CSMD1: variants seen among roughly 807,000 people sequenced by gnomAD.
The protein encoded by CSMD1 is CUB and Sushi multiple domains 1.
CSMD1 carries 213 observed loss-of-function variants against 417.5 expected under a neutral mutation model. The observed-to-expected ratio is 0.51, with a 90% CI of 0.46 to 0.57. The LOEUF (loss-of-function observed/expected upper bound fraction) is 0.57. Ranked by LOEUF, CSMD1 falls within the 20% of genes least tolerant of loss-of-function variation. The pLI is 0.00. For synonymous variants in CSMD1, 2,862 were observed against 1,736.8 expected, an observed-to-expected ratio of 1.65 and a Z score of -16.11; for missense variants, 6,923 against 4,529.7, an observed-to-expected ratio of 1.53 and a Z score of -15.17.
At chr8:3,539,777 A>AC (rs1554461163) in intron 10 of CSMD1, among the ~76,000 whole-genome samples, 44 of 151,248 alleles carry the variant, frequency 2.9e-4, no homozygotes, top group African/African-American at 9.3e-4. Context: ...AAAAAAAAAA[A>AC]ACACAAGAAA....
At chr8:4,126,822 G>T (rs187340157) in intron 3 of CSMD1, among the ~76,000 whole-genome samples, 1 of 152,144 alleles carries the variant, frequency 6.6e-6, no homozygotes, top group African/African-American at 2.4e-5. Context: ...TGGGGTAGGA[G>T]ATGTCCAGGA....
At chr8:4,393,068 G>A (rs1026374015) in intron 3 of CSMD1, among the ~76,000 whole-genome samples, 17 of 152,244 alleles carry the variant, frequency 1.1e-4, no homozygotes, top group African/African-American at 2.6e-4. Context: ...CTCCGCCTCC[G>A]GGGTTCAAGC....
chr8:3,951,391 G>A (rs1302426633), intron 5 of CSMD1, among the ~76,000 whole-genome samples: 2 of 152,190 alleles, frequency 1.3e-5, no homozygotes, highest in Non-Finnish European at 2.9e-5. Context: ...TTAAATGAAT[G>A]CAAAAGGCAT....
intron 3 of CSMD1, among the ~76,000 whole-genome samples, chr8:4,100,861 AAT>A (rs1801268345): frequency 6.6e-6 from 1 of 152,332 alleles, no homozygotes; most frequent in African/African-American, 2.4e-5. Flanking sequence ...GAGACTTAAA[AAT>A]ATATGTTAGA....
chr8:4,375,887 G>A (rs1443805332), intron 3 of CSMD1, among the ~76,000 whole-genome samples: 1 of 152,080 alleles, frequency 6.6e-6, no homozygotes, highest in Non-Finnish European at 1.5e-5. Flanking sequence ...ATCAAACACA[G>A]GCAAATGCCT....
chr8:4,913,620 T>G (rs1585316653), intron 1 of CSMD1, among the ~76,000 whole-genome samples: 1 of 152,174 alleles, frequency 6.6e-6, no homozygotes, highest in Non-Finnish European at 1.5e-5. Context: ...GCAGTAGGTG[T>G]TGCTGGACCA....
rs537545237 is a variant in CSMD1 at position 3,647,796 on chromosome 8, G to A, written c.1010-30999C>T. 4.6e-5 allele frequency among the ~76,000 whole-genome samples: 7 copies of A among 152,336 alleles called. No homozygotes were observed. The South Asian group carries it at 6.2e-4, about 14-fold the overall frequency. ...AGTGAGAGAAAGAGAGAGAGATATTGAAAAGTAAATATGGCAAATGTATAA... is the reference window on the plus strand; with the variant it reads ...AGTGAGAGAAAGAGAGAGAGATATTAAAAAGTAAATATGGCAAATGTATAA... On this transcript the variant is annotated intron_variant, in intron 7 of 69. Transcript: ENST00000635120.
chr8:3,689,533 G>A (rs560380867), intron 7 of CSMD1, among the ~76,000 whole-genome samples: 3 of 152,170 alleles, frequency 2.0e-5, no homozygotes, highest in South Asian at 2.1e-4. Flanking sequence ...TTCTTTTCCC[G>A]GAGGAGCCAT....
rs750839121 is a variant in CSMD1, at chr8:4,945,447, C to A, written c.85+48885G>T. 3.3e-5 allele frequency among the ~76,000 whole-genome samples: 5 copies of A among 150,754 alleles called. No homozygotes were observed. The East Asian group carries it at 9.7e-4, about 29-fold the overall frequency. ...CGCAATTTAAAAAAATACATCCCAGCATTTTGGGAAGCTGAGGTGGGCGGA... is the reference window on the plus strand; with the variant it reads ...CGCAATTTAAAAAAATACATCCCAGAATTTTGGGAAGCTGAGGTGGGCGGA... On this transcript the variant is annotated intron_variant, in intron 1 of 69. Coordinates refer to ENST00000635120, the MANE Select transcript of CSMD1 (RefSeq NM_033225.6).
intron 5 of CSMD1, among the ~76,000 whole-genome samples, chr8:3,981,617 T>A (rs1166897516): frequency 6.6e-6 from 1 of 151,876 alleles, no homozygotes; most frequent in Non-Finnish European, 1.5e-5. Context: ...ATTAGAGCAG[T>A]ATTGTTCCCT....
intron 67 of CSMD1, among the ~76,000 whole-genome samples, chr8:2,949,836 G>A (rs1382053655): frequency 6.6e-6 from 1 of 152,072 alleles, no homozygotes; most frequent in Non-Finnish European, 1.5e-5. Flanking sequence ...GGTGTTAAGG[G>A]GGATGTCTTA....
At chr8:3,376,775 A>G (rs73173163) in intron 18 of CSMD1, among the ~76,000 whole-genome samples, 107 of 126,226 alleles carry the variant, frequency 8.5e-4, no homozygotes, top group Non-Finnish European at 1.3e-3. Flanking sequence ...TTTCATGTTG[A>G]TATACAATAT....
chr8:3,829,011 C>T (rs1204921194), intron 5 of CSMD1, among the ~76,000 whole-genome samples: 1 of 151,950 alleles, frequency 6.6e-6, no homozygotes, highest in Non-Finnish European at 1.5e-5. Flanking sequence ...TGTCTACAAT[C>T]ACCTTTCTTT....
intron 4 of CSMD1, among the ~76,000 whole-genome samples, chr8:4,001,924 T>C (rs991955156): frequency 6.6e-6 from 1 of 152,126 alleles, no homozygotes; most frequent in Non-Finnish European, 1.5e-5. Flanking sequence ...ACCTTATGAC[T>C]ATTGCATTTC....
At chr8:4,084,747 C>G (rs953330738) in intron 3 of CSMD1, among the ~76,000 whole-genome samples, 1 of 151,666 alleles carries the variant, frequency 6.6e-6, no homozygotes, top group Non-Finnish European at 1.5e-5. Flanking sequence ...CCACCCCCAC[C>G]CCCCTACCCA....
chr8:3,825,295 C>A (rs1031006246), intron 5 of CSMD1, among the ~76,000 whole-genome samples: 1 of 152,012 alleles, frequency 6.6e-6, no homozygotes, highest in Admixed American at 6.6e-5. Flanking sequence ...TTTGGGAGAC[C>A]GCGACAGGTG....
At chr8:3,232,956 A>G (rs1798926903) in intron 26 of CSMD1, among the ~76,000 whole-genome samples, 1 of 152,148 alleles carries the variant, frequency 6.6e-6, no homozygotes, top group African/African-American at 2.4e-5. Context: ...AAAAATCTTA[A>G]ATTAGACATT....
chr8:3,796,556 T>C (rs1025360368), intron 5 of CSMD1, among the ~76,000 whole-genome samples: 6 of 145,864 alleles, frequency 4.1e-5, no homozygotes, highest in Middle Eastern at 3.9e-3. Context: ...CCATACATGA[T>C]AGATATATAT....
intron 10 of CSMD1, among the ~76,000 whole-genome samples, chr8:3,540,411 C>A (rs1422455365): frequency 1.3e-5 from 2 of 152,138 alleles, no homozygotes; most frequent in Non-Finnish European, 2.9e-5. Flanking sequence ...AAATGTAAAA[C>A]CCAAAACTAT....
Sources: gnomAD v4.1 joint callset for allele counts (sites outside exome capture counted in the v4.1 genomes callset) on GRCh38, gnomAD v4.1.1 for gene constraint, MANE v1.5 for transcripts, NCBI Gene and HGNC (gene_info 2026-07-23, HGNC 2026-07-21) for gene names.